The following DMD variants were observed in gnomAD, a reference collection of about 807,000 sequenced individuals.
The protein encoded by DMD is dystrophin.
Under a neutral mutation model 330.1 loss-of-function variants are expected in DMD, and 63 were observed. The observed-to-expected ratio is 0.19, with a 90% CI of 0.16 to 0.24. The LOEUF is 0.24. Ranked by LOEUF, DMD falls within the 10% of genes least tolerant of loss-of-function variation. The pLI is 1.00. For synonymous variants in DMD, 1,223 were observed against 959.8 expected (o/e 1.27, Z -5.07); for missense variants, 3,344 against 2,684.1 (o/e 1.25, Z -5.43).
At chrX:31,341,786 G>A (rs1407376300) in intron 61 of DMD, among the ~76,000 whole-genome samples, 3 of 110,720 alleles carry the variant, frequency 2.7e-5, no homozygotes, top group Admixed American at 9.7e-5. Flanking sequence ...GTAAAATAAG[G>A]AAAGGGCTCG....
chrX:32,614,852 C>A (rs1230879691), intron 11 of DMD, among the ~76,000 whole-genome samples: 2 of 110,405 alleles, frequency 1.8e-5, no homozygotes, highest in Non-Finnish European at 3.8e-5. Context: ...ATTTTCCATC[C>A]CTGTGAATAT....
intron 9 of DMD, among the ~76,000 whole-genome samples, chrX:32,667,767 G>GTTTTTTTTTTT (rs201162726): frequency 3.7e-5 from 3 of 81,671 alleles, no homozygotes; most frequent in African/African-American, 1.5e-4. Context: ...CTGCTTTTGT[G>GTTTTTTTTTTT]TTTTTTTTTT....
chrX:33,267,008 A>G (rs2053053972), intron 1 of DMD, among the ~76,000 whole-genome samples: 1 of 110,977 alleles, frequency 9.0e-6, no homozygotes, highest in Non-Finnish European at 1.9e-5. Flanking sequence ...CAATTAGGCA[A>G]GAGAAAGAAA....
intron 48 of DMD, among the ~76,000 whole-genome samples, chrX:31,853,693 A>C (rs1334813198): frequency 9.0e-6 from 1 of 111,447 alleles, no homozygotes; most frequent in East Asian, 2.8e-4. Flanking sequence ...ATGTGTGAGC[A>C]GGCAACATTG....
At chrX:32,509,700 A>T (rs1481897208) in intron 18 of DMD, among the ~76,000 whole-genome samples, 1 of 111,820 alleles carries the variant, frequency 8.9e-6, no homozygotes, top group Non-Finnish European at 1.9e-5. Flanking sequence ...TCTTCTTAGA[A>T]GTATTTGCTA....
chrX:32,878,865 G>A (rs927810696), intron 2 of DMD, among the ~76,000 whole-genome samples: 4 of 107,954 alleles, frequency 3.7e-5, no homozygotes, highest in Admixed American at 1.0e-4. Flanking sequence ...AAAATTAGCC[G>A]GGCACAGTGG....
rs1467043885 is a variant in DMD at position 31,750,663 on chromosome X, A to C, written c.7543-20915T>G. On this transcript the variant is annotated intron_variant, in intron 51 of 78. Coordinates refer to ENST00000357033, the MANE Select transcript of DMD (RefSeq NM_004006.3). ...CTGGCCAGGGCAATCAGGCAGGAGA[A>C]GGAAATAAAGGGTATTCAATTAGGA... Among the ~76,000 whole-genome samples, 7 of 110,475 alleles carry C rather than the reference A, an allele frequency of 6.3e-5. No homozygotes were observed. The East Asian group carries it at 2.0e-3, about 32-fold the overall frequency.
In DMD at chrX:31,658,423, T is replaced by C. The variant is rs955266892; in HGVS notation, c.7873-279A>G. Reference sequence around the variant, plus strand: ...TGGCAATAAAGTGGGCTTAATTGTTTTTATCACAAGAGAAAAAAACTACAA... The same window carrying C: ...TGGCAATAAAGTGGGCTTAATTGTTCTTATCACAAGAGAAAAAAACTACAA... On this transcript the variant is annotated intron_variant, in intron 53 of 78. Transcript: ENST00000357033. 5.4e-5 allele frequency among the ~76,000 whole-genome samples: 6 copies of C among 112,024 alleles called. No individual in the cohort carries two copies. In the Admixed American group the frequency reaches 5.7e-4, roughly 11 times the overall value.
At chrX:32,200,900 G>A (rs184884898) in intron 44 of DMD, among the ~76,000 whole-genome samples, 407 of 111,153 alleles carry the variant, frequency 3.7e-3, no homozygotes, top group Non-Finnish European at 5.8e-3. Flanking sequence ...GATTTTTATT[G>A]TCAGGCAAAT....
rs992900881 is a variant in DMD, at chrX:31,732,338, T to C, written c.7543-2590A>G. ...CTCTTTACTTAGTGGTCTTTTAGTA[T>C]AGCAGAATGGGAATTTTCTCCTTTG... On this transcript the variant is annotated intron_variant, in intron 51 of 78. Transcript: ENST00000357033. Among the ~76,000 whole-genome samples the C allele has an allele frequency of 2.7e-5, 3 of 111,753 alleles. No homozygotes were observed. In the Admixed American group the frequency reaches 2.8e-4, roughly 11 times the overall value.
intron 9 of DMD, among the ~76,000 whole-genome samples, chrX:32,646,737 C>G (rs2059808043): frequency 9.0e-6 from 1 of 111,601 alleles, no homozygotes; most frequent in South Asian, 3.8e-4. Flanking sequence ...TAAATTTCCC[C>G]AACTGTTAAG....
intron 17 of DMD, among the ~76,000 whole-genome samples, chrX:32,533,095 G>A (rs2047632064): frequency 9.0e-6 from 1 of 111,007 alleles, no homozygotes. Flanking sequence ...GCCCTTTAGA[G>A]AAAACTTTTC....
At chrX:31,966,893 A>C (rs1234547678) in intron 45 of DMD, among the ~76,000 whole-genome samples, 2 of 110,840 alleles carry the variant, frequency 1.8e-5, no homozygotes, top group African/African-American at 6.5e-5. Context: ...ATAGGAAACA[A>C]TACTTTATAT....
At chrX:33,333,336 C>A (rs972400770) in intron 1 of DMD, among the ~76,000 whole-genome samples, 2 of 111,393 alleles carry the variant, frequency 1.8e-5, no homozygotes, top group East Asian at 5.6e-4. Flanking sequence ...AGCTCCCCCA[C>A]GACAACTTTT....
chrX:31,203,465 G>T (rs2043732014), intron 67 of DMD, among the ~76,000 whole-genome samples: 1 of 109,922 alleles, frequency 9.1e-6, no homozygotes, highest in Non-Finnish European at 1.9e-5. Flanking sequence ...GTCAGTGATG[G>T]ACATTAGCAG....
chrX:31,434,065 C>G (rs185007303), intron 60 of DMD, among the ~76,000 whole-genome samples: 1 of 111,347 alleles, frequency 9.0e-6, no homozygotes, highest in African/African-American at 3.3e-5. Context: ...AACAGACTTT[C>G]ATTAAACAAG....
chrX:31,120,700 A>G lies in DMD; in HGVS notation c.*1219T>C, dbSNP rs1341652811. 9.0e-6 allele frequency: 1 copy of G among 111,007 alleles called. No individual in the cohort carries two copies. The highest frequency in any genetic ancestry group is 1.9e-5 in the Non-Finnish European group (1 of 53,034). The allele number at this position is 111,007 out of a possible 1,213,427, so 9.1% of individuals were successfully genotyped here. A position where few individuals can be genotyped will look rare whatever the true frequency, so the allele number is the denominator to read the frequency against. ...AAGAGTGGCCTACTCCTTCACAGGGATGGGCTGGGAATCCATAGCCCTCCA... is the reference window on the plus strand; with the variant it reads ...AAGAGTGGCCTACTCCTTCACAGGGGTGGGCTGGGAATCCATAGCCCTCCA... On this transcript the variant is annotated 3_prime_UTR_variant, in exon 79 of 79. Transcript: ENST00000357033.
chrX:32,463,670 T>A, intron 24 of DMD, 76 bp from the exon 25 acceptor site: 1 of 932,753 alleles, frequency 1.1e-6, no homozygotes, highest in Non-Finnish European at 1.4e-6. Context: ...AGCTAGAAAA[T>A]GTAAAATTGG....
At chrX:32,146,138 T>C (rs945759637) in intron 44 of DMD, among the ~76,000 whole-genome samples, 3 of 112,406 alleles carry the variant, frequency 2.7e-5, no homozygotes, top group African/African-American at 6.5e-5. Context: ...ATCTCTTTCA[T>C]ATGTGCAGAG....
Sources: gnomAD v4.1 joint callset for allele counts (sites outside exome capture counted in the v4.1 genomes callset) on GRCh38, gnomAD v4.1.1 for gene constraint, MANE v1.5 for transcripts, NCBI Gene and HGNC (gene_info 2026-07-23, HGNC 2026-07-21) for gene names.